Variants in DENND5A observed in about 807,000 individuals in gnomAD.
DENND5A encodes the protein DENN domain containing 5A, also known as DENN domain-containing protein 5A.
In DENND5A, 64 loss-of-function variants were observed where a neutral mutation model predicts 140.3. The observed-to-expected ratio is 0.46, with a 90% CI of 0.37 to 0.56. The LOEUF is 0.56. Ranked by LOEUF, DENND5A falls within the 20% of genes least tolerant of loss-of-function variation. The pLI is 0.00. For synonymous variants in DENND5A, 605 were observed against 607.7 expected, an observed-to-expected ratio of 1.00 and a Z score of 0.07; for missense variants, 1,292 against 1,593.8, an observed-to-expected ratio of 0.81 and a Z score of 3.22.
At chr11:9,197,260 G>A (rs574025298) in intron 4 of DENND5A, among the ~76,000 whole-genome samples, 16 of 151,224 alleles carry the variant, frequency 1.1e-4, no homozygotes, top group African/African-American at 3.4e-4. Context: ...AGCCAAGATC[G>A]CGCCACTGCA....
intron 1 of DENND5A, among the ~76,000 whole-genome samples, chr11:9,236,658 G>C (rs1007225473): frequency 2.0e-5 from 3 of 152,082 alleles, no homozygotes; most frequent in Non-Finnish European, 4.4e-5. Context: ...AAGGCAAGAA[G>C]ACTGCTTGAG....
rs1230724183 is a variant in DENND5A at position 9,265,142 on chromosome 11, C to A, written c.-73G>T. 2.2e-6 allele frequency: 2 copies of A among 891,440 alleles called. No individual in the cohort carries two copies. The highest frequency in any genetic ancestry group is 2.8e-6 in the Non-Finnish European group (2 of 720,948). The allele number at this position is 891,440 out of a possible 1,614,324, so 55.2% of individuals were successfully genotyped here. A position where few individuals can be genotyped will look rare whatever the true frequency, so the allele number is the denominator to read the frequency against. On this transcript the variant is annotated 5_prime_UTR_variant, in exon 1 of 23. Coordinates refer to ENST00000328194, the MANE Select transcript of DENND5A (RefSeq NM_015213.4). This position sits in a 1 kb window ranked among gnomAD's most constrained non-coding sequence, Gnocchi z 4.7. ...CCCGCAACCCGGGCGCCCGCCCGTCCGCCCTCAGGCCGCCCCTCCCGCCGC... is the reference window on the plus strand; with the variant it reads ...CCCGCAACCCGGGCGCCCGCCCGTCAGCCCTCAGGCCGCCCCTCCCGCCGC...
intron 1 of DENND5A, among the ~76,000 whole-genome samples, chr11:9,258,287 C>G (rs1034159510): frequency 1.0e-4 from 15 of 150,154 alleles, no homozygotes; most frequent in African/African-American, 3.7e-4. Flanking sequence ...TCCCCCACCC[C>G]CCCAACAGGC....
intron 5 of DENND5A, among the ~76,000 whole-genome samples, chr11:9,191,623 T>C (rs542847091): frequency 2.3e-4 from 35 of 152,330 alleles, no homozygotes; most frequent in African/African-American, 6.3e-4. Context: ...TCCCTTTGTA[T>C]AGCCGTATAC....
intron 1 of DENND5A, among the ~76,000 whole-genome samples, chr11:9,251,706 C>A (rs1851726285): frequency 6.6e-6 from 1 of 152,134 alleles, no homozygotes; most frequent in Admixed American, 6.6e-5. Flanking sequence ...AGAACTAAAT[C>A]CAGCTGGGTG....
intron 3 of DENND5A, among the ~76,000 whole-genome samples, chr11:9,205,005 A>G (rs922003479): frequency 3.9e-5 from 6 of 152,362 alleles, no homozygotes; most frequent in African/African-American, 1.4e-4. Context: ...ACAGCATGAC[A>G]GAGAGTAAGA....
chr11:9,140,412 C>A (rs1204487458), intron 22 of DENND5A, among the ~76,000 whole-genome samples: 2 of 152,128 alleles, frequency 1.3e-5, no homozygotes, highest in African/African-American at 4.8e-5. Flanking sequence ...AACCACTATG[C>A]CAATTCTCTC....
intron 1 of DENND5A, among the ~76,000 whole-genome samples, chr11:9,209,376 G>A (rs1849796486): frequency 6.6e-6 from 1 of 152,170 alleles, no homozygotes; most frequent in Non-Finnish European, 1.5e-5. Context: ...ATGAAGAATG[G>A]AGCCAAAGGT....
At chr11:9,170,585 C>T (rs758321527) in intron 9 of DENND5A, 42 bp downstream of exon 9, 1 of 1,610,278 alleles carries the variant, frequency 6.2e-7, no homozygotes, top group African/African-American at 1.3e-5. Flanking sequence ...GACCCTATTA[C>T]AGCTAGGGAG....
chr11:9,171,743 T>C (rs1370038143), intron 8 of DENND5A: 3 of 151,556 alleles, frequency 2.0e-5, no homozygotes, highest in Non-Finnish European at 4.4e-5. Context: ...TACACCTTTA[T>C]TCCTAGCTAT....
At chr11:9,165,542 C>T (rs1346079144) in intron 11 of DENND5A, among the ~76,000 whole-genome samples, 1 of 151,982 alleles carries the variant, frequency 6.6e-6, no homozygotes, top group Admixed American at 6.6e-5. Context: ...CAGGTTCAAG[C>T]AATCCTCCCA....
intron 1 of DENND5A, among the ~76,000 whole-genome samples, chr11:9,234,316 C>G (rs1850906079): frequency 6.6e-6 from 1 of 151,816 alleles, no homozygotes. Flanking sequence ...CCACCGATCC[C>G]CCCCCCAAAA....
At chr11:9,165,497 T>C (rs1017464007) in intron 11 of DENND5A, among the ~76,000 whole-genome samples, 2 of 152,150 alleles carry the variant, frequency 1.3e-5, no homozygotes, top group African/African-American at 4.8e-5. Flanking sequence ...AGGAGTGCAG[T>C]GGTGCCATCA....
chr11:9,180,749 C>T lies in DENND5A; in HGVS notation c.1455+18G>A. On this transcript the variant is annotated intron_variant, in intron 6 of 22. Transcript: ENST00000328194. The stretch of plus-strand genomic sequence containing the variant: ...TAGCACAGATCACACGTGTCACAGA[C>T]TCATATACACATCTTACCTTTTCCA... 1.2e-6 allele frequency: 2 copies of T among 1,609,420 alleles called. No individual in the cohort carries two copies. Among genetic ancestry groups the T allele is most frequent in the Non-Finnish European group, 8.5e-7 (1 of 1,177,276 alleles).
At chr11:9,140,165 C>G in intron 22 of DENND5A, 2 of 1,399,780 alleles carry the variant, frequency 1.4e-6, no homozygotes, top group Non-Finnish European at 1.9e-6. Flanking sequence ...GCTACCACCA[C>G]CAGGAATAAT....
At chr11:9,226,276 T>C (rs910673481) in intron 1 of DENND5A, among the ~76,000 whole-genome samples, 2 of 152,222 alleles carry the variant, frequency 1.3e-5, no homozygotes, top group South Asian at 2.1e-4. Context: ...GTTATTGACA[T>C]CTACTGAATG....
At chr11:9,227,213 C>CATAAATAAATAAAT (rs1564926935) in intron 1 of DENND5A, among the ~76,000 whole-genome samples, 6 of 126,794 alleles carry the variant, frequency 4.7e-5, no homozygotes, top group African/African-American at 1.7e-4. Flanking sequence ...AATAAATAAG[C>CATAAATAAATAAAT]AAGCAAGCAC....
chr11:9,196,396 T>G (rs1029456605), intron 4 of DENND5A, among the ~76,000 whole-genome samples: 3 of 152,154 alleles, frequency 2.0e-5, no homozygotes, highest in Admixed American at 6.5e-5. Context: ...AAACAATGAT[T>G]AGTATGCTCC....
rs1468468445 is a variant in DENND5A at position 9,170,706 on chromosome 11, T to A, written c.1978A>T (p.Ile660Phe). Residue 660 changes from isoleucine (I) to phenylalanine (F), a missense_variant, in exon 9 of 23, where the codon ATT (isoleucine) becomes TTT (phenylalanine). Ile to Phe is a conservative substitution (Grantham distance 21). Coordinates refer to ENST00000328194, the MANE Select transcript of DENND5A (RefSeq NM_015213.4). ...AIHPHLLDMK[I>F]GQGKYEPGFF... Reference sequence around the variant, plus strand: ...CCCGGCTCATATTTCCCTTGTCCAATCTTCATGTCAAGTAAATGTGGGTGA... The same window carrying A: ...CCCGGCTCATATTTCCCTTGTCCAAACTTCATGTCAAGTAAATGTGGGTGA... The A allele has an allele frequency of 3.1e-6, 5 of 1,613,994 alleles. No homozygotes were observed. Among genetic ancestry groups the A allele is most frequent in the Non-Finnish European group, 4.2e-6 (5 of 1,180,004 alleles).
Sources: allele counts gnomAD v4.1 joint callset (sites outside exome capture counted in the v4.1 genomes callset), GRCh38; gene constraint gnomAD v4.1.1; non-coding constraint Gnocchi (gnomAD v3.1); transcripts MANE v1.5; gene names NCBI Gene and HGNC (gene_info 2026-07-23, HGNC 2026-07-21).